MGAT4C: variants seen among roughly 807,000 people sequenced by gnomAD.
MGAT4C encodes alpha-1,3-mannosyl-glycoprotein 4-beta-N-acetylglucosaminyltransferase C.
Under a neutral mutation model 40.1 loss-of-function variants are expected in MGAT4C, and 19 were observed. The ratio of observed to expected loss-of-function variants is 0.47; its 90% CI spans 0.33 to 0.70. MGAT4C has a LOEUF of 0.70. Among genes scored for constraint, MGAT4C ranks in the 30% least tolerant of loss-of-function variants. MGAT4C has a pLI of 0.02. For synonymous variants in MGAT4C, 181 were observed against 187.1 expected (o/e 0.97, Z 0.27); for missense variants, 491 against 563.2 (o/e 0.87, Z 1.30).
intron 1 of MGAT4C, among the ~76,000 whole-genome samples, chr12:86,827,194 T>C (rs1191287136): frequency 1.3e-5 from 2 of 151,434 alleles, no homozygotes; most frequent in Non-Finnish European, 3.0e-5. Context: ...CTGGCCATAT[T>C]AGCAGCAGGG....
At chr12:86,181,971 T>C (rs1180292571) in intron 1 of MGAT4C, among the ~76,000 whole-genome samples, 2 of 152,096 alleles carry the variant, frequency 1.3e-5, no homozygotes, top group Non-Finnish European at 2.9e-5. Context: ...AATAAACCAC[T>C]GTTAGAATAT....
At chr12:86,198,868 G>T (rs182851996) in intron 1 of MGAT4C, among the ~76,000 whole-genome samples, 1 of 152,238 alleles carries the variant, frequency 6.6e-6, no homozygotes, top group East Asian at 1.9e-4. Flanking sequence ...ATTTTTGCAA[G>T]CTTGGGCATC....
At chr12:86,543,887 G>A (rs992735905) in intron 2 of MGAT4C, among the ~76,000 whole-genome samples, 1 of 152,010 alleles carries the variant, frequency 6.6e-6, no homozygotes, top group African/African-American at 2.4e-5. Flanking sequence ...TGACAGTCTG[G>A]GAGGTCCTTA....
chr12:86,352,667 T>C (rs1333647808), intron 3 of MGAT4C, among the ~76,000 whole-genome samples: 1 of 152,150 alleles, frequency 6.6e-6, no homozygotes, highest in Non-Finnish European at 1.5e-5. Context: ...CTTAGTTGCA[T>C]TTTTTGGTCT....
intron 2 of MGAT4C, among the ~76,000 whole-genome samples, chr12:86,714,663 G>C (rs747330053): frequency 1.1e-4 from 16 of 151,958 alleles, no homozygotes; most frequent in Non-Finnish European, 1.9e-4. Context: ...AGAACTGTGA[G>C]TCCATTAAAC....
chr12:86,436,800 T>G (rs10858428), intron 2 of MGAT4C, among the ~76,000 whole-genome samples: 96,954 of 151,460 alleles, frequency 0.64, 31,715 homozygotes, highest in South Asian at 0.77. Context: ...TTCGGAGCTG[T>G]GATACATTGA....
intron 1 of MGAT4C, among the ~76,000 whole-genome samples, chr12:86,075,601 C>G (rs571646879): frequency 3.7e-4 from 57 of 152,318 alleles, no homozygotes; most frequent in African/African-American, 1.4e-3. Flanking sequence ...AGCAGAGATT[C>G]TCCATGAGGG....
At chr12:86,078,241 C>T (rs1468405806) in intron 1 of MGAT4C, among the ~76,000 whole-genome samples, 1 of 152,118 alleles carries the variant, frequency 6.6e-6, no homozygotes, top group African/African-American at 2.4e-5. Context: ...ACCTAGCTGG[C>T]ATTGTAATTG....
At position 86,619,649 on chromosome 12, in the gene MGAT4C, T is replaced by C. The variant is rs910373002; in HGVS notation, c.-229+107560A>G. ...TCACTCTGTCTCCTGTGCCCATATATGCTCTTTTCTTTTTTGGCCTTTTTT... is the reference window on the plus strand; with the variant it reads ...TCACTCTGTCTCCTGTGCCCATATACGCTCTTTTCTTTTTTGGCCTTTTTT... On this transcript the variant is annotated intron_variant, in intron 2 of 7. Transcript: ENST00000548651. 7.2e-5 allele frequency among the ~76,000 whole-genome samples: 11 copies of C among 152,176 alleles called. No homozygotes were observed. The East Asian group carries it at 1.5e-3, about 21-fold the overall frequency.
At chr12:86,723,717 A>G (rs950415703) in intron 2 of MGAT4C, among the ~76,000 whole-genome samples, 45 of 152,204 alleles carry the variant, frequency 3.0e-4, no homozygotes, top group African/African-American at 9.4e-4. Context: ...GGGGGACACA[A>G]GTCAATCCCT....
intron 2 of MGAT4C, among the ~76,000 whole-genome samples, chr12:86,508,602 T>C (rs1025801975): frequency 6.6e-6 from 1 of 151,272 alleles, no homozygotes; most frequent in African/African-American, 2.4e-5. Flanking sequence ...TCAAATGGTA[T>C]TTCTAGTTCT....
chr12:85,957,674 G>GAAAA lies in MGAT4C; in HGVS notation c.*21611_*21614dup, dbSNP rs1882878897. 1 of 98,488 alleles carries GAAAA rather than the reference G, an allele frequency of 1.0e-5. No homozygotes were observed. The highest frequency in any genetic ancestry group is 2.3e-5 in the Non-Finnish European group (1 of 43,514). 6.1% of individuals were successfully genotyped at this position (98,488 alleles called of 1,614,324 possible). ...TAAGAAAGCAAAAAAAAAAAAAAAA[G>GAAAA]AAAAAAGAAAAAAAAAATCTATCAA... On this transcript the variant is annotated 3_prime_UTR_variant, in exon 5 of 5. Coordinates refer to ENST00000611864, the MANE Select transcript of MGAT4C (RefSeq NM_001351288.2).
intron 1 of MGAT4C, among the ~76,000 whole-genome samples, chr12:86,177,335 T>A (rs1887562157): frequency 6.6e-6 from 1 of 152,170 alleles, no homozygotes; most frequent in Admixed American, 6.6e-5. Context: ...TTTCTAAAGA[T>A]GTATGATGTG....
At chr12:86,499,471 G>GAAAAC (rs1958298174) in intron 2 of MGAT4C, among the ~76,000 whole-genome samples, 1 of 151,488 alleles carries the variant, frequency 6.6e-6, no homozygotes, top group African/African-American at 2.4e-5. Flanking sequence ...GTCTAAGTGA[G>GAAAAC]AAAACAAAAC....
chr12:86,242,710 C>T (rs1294772040), intron 1 of MGAT4C, among the ~76,000 whole-genome samples: 2 of 151,980 alleles, frequency 1.3e-5, no homozygotes, highest in Non-Finnish European at 2.9e-5. Context: ...AAGGGGGTGG[C>T]TGAAAACCTA....
intron 2 of MGAT4C, among the ~76,000 whole-genome samples, chr12:86,567,005 G>A (rs921155058): frequency 5.3e-5 from 8 of 152,038 alleles, no homozygotes; most frequent in African/African-American, 1.9e-4. Context: ...CTATCATCCT[G>A]AAGCAGCTGG....
intron 1 of MGAT4C, among the ~76,000 whole-genome samples, chr12:86,200,491 C>T (rs1950010121): frequency 6.6e-6 from 1 of 152,074 alleles, no homozygotes; most frequent in African/African-American, 2.4e-5. Flanking sequence ...GTTTATGTTG[C>T]TGCACTTCCT....
intron 2 of MGAT4C, among the ~76,000 whole-genome samples, chr12:86,585,829 C>T (rs1379215245): frequency 6.7e-6 from 1 of 149,978 alleles, no homozygotes; most frequent in African/African-American, 2.4e-5. Flanking sequence ...TGAGGAAGAG[C>T]TGATCACCTT....
At chr12:86,149,286 A>G (rs1883971234) in intron 1 of MGAT4C, among the ~76,000 whole-genome samples, 1 of 152,174 alleles carries the variant, frequency 6.6e-6, no homozygotes, top group African/African-American at 2.4e-5. Context: ...CCATCTGCAA[A>G]AAAAGCTATT....
Sources: gnomAD v4.1 joint callset for allele counts (sites outside exome capture counted in the v4.1 genomes callset) on GRCh38, gnomAD v4.1.1 for gene constraint, MANE v1.5 for transcripts, NCBI Gene and HGNC (gene_info 2026-07-23, HGNC 2026-07-21) for gene names.